Variants in TMPO observed in about 807,000 individuals in gnomAD.
TMPO encodes LEM domain containing 4.
In TMPO, 22 loss-of-function variants were observed where a neutral mutation model predicts 45.4. That is an observed-to-expected ratio of 0.48 (90% CI 0.35 to 0.69). The LOEUF (loss-of-function observed/expected upper bound fraction) is 0.69, where lower values mean the gene tolerates loss of function less well. Ranked by LOEUF, TMPO falls within the 30% of genes least tolerant of loss-of-function variation. The probability of loss-of-function intolerance (pLI) is 0.01; values close to 1 mark genes in which losing one functional copy is unlikely to be tolerated. For synonymous variants in TMPO, 241 were observed against 204.1 expected (o/e 1.18, Z -1.54); for missense variants, 512 against 548.8 (o/e 0.93, Z 0.67).
chr12:98,516,855 G>T (rs1189038288), intron 1 of TMPO, among the ~76,000 whole-genome samples: 1 of 152,134 alleles, frequency 6.6e-6, no homozygotes, highest in Non-Finnish European at 1.5e-5. Flanking sequence ...TGTTGCCCAG[G>T]CTGGAGTGCA....
chr12:98,520,488 G>A (rs968857156), intron 1 of TMPO, among the ~76,000 whole-genome samples: 1 of 151,504 alleles, frequency 6.6e-6, no homozygotes, highest in African/African-American at 2.4e-5. Flanking sequence ...TGTATTTTTA[G>A]TAGAGACAAG....
rs2121212717 is a variant in TMPO, at chr12:98,534,511, C to T, written c.565+2673C>T. 10 of 1,429,142 alleles carry T rather than the reference C, an allele frequency of 7.0e-6. No individual in the cohort carries two copies. In the South Asian group the frequency reaches 1.5e-4, roughly 21 times the overall value. 88.5% of individuals were successfully genotyped at this position (1,429,142 alleles called of 1,614,324 possible). The stretch of plus-strand genomic sequence containing the variant: ...TAATTGCCTGTGTAGAACTACTTGT[C>T]TTTTCTAAAGATTTGCGTAGATAGG... On this transcript the variant is annotated intron_variant, in intron 3 of 8. Transcript: ENST00000556029.
At chr12:98,520,095 G>C (rs1876219777) in intron 1 of TMPO, among the ~76,000 whole-genome samples, 1 of 148,362 alleles carries the variant, frequency 6.7e-6, no homozygotes, top group Non-Finnish European at 1.5e-5. Context: ...AAGTAGCTGG[G>C]ATTACAGGTG....
At chr12:98,525,314 A>G (rs1479183714) in intron 1 of TMPO, among the ~76,000 whole-genome samples, 4 of 152,220 alleles carry the variant, frequency 2.6e-5, no homozygotes, top group African/African-American at 9.6e-5. Flanking sequence ...CCGTCTATTT[A>G]AGATTTCTCG....
intron 3 of TMPO, among the ~76,000 whole-genome samples, chr12:98,536,191 T>C (rs1272503000): frequency 6.6e-6 from 1 of 152,232 alleles, no homozygotes; most frequent in African/African-American, 2.4e-5. Flanking sequence ...ATAGATGTCT[T>C]GACCACTTTT....
In TMPO at chr12:98,515,820, A is replaced by AGCG. The variant is rs769833482; in HGVS notation, c.-39_-37dup. The stretch of plus-strand genomic sequence containing the variant: ...GGCCAGGAGCAAGCGCGCCGGCGTG[A>AGCG]GCGGCGGCGGCAAAGGCTGTGGGGA... On this transcript the variant is annotated 5_prime_UTR_variant, in exon 1 of 9. Coordinates refer to ENST00000556029, the MANE Select transcript of TMPO (RefSeq NM_001032283.3). 9.5e-6 allele frequency: 15 copies of AGCG among 1,579,734 alleles called. No individual in the cohort carries two copies. The highest frequency in any genetic ancestry group is 8.1e-5 in the African/African-American group (6 of 73,814).
intron 1 of TMPO, among the ~76,000 whole-genome samples, chr12:98,523,098 A>G (rs1195692832): frequency 6.6e-6 from 1 of 152,216 alleles, no homozygotes; most frequent in Admixed American, 6.5e-5. Flanking sequence ...TAAAGGAACA[A>G]AGCTTTCTGG....
At chr12:98,544,804 A>G (rs1276712877) in intron 6 of TMPO, 147 bp from the exon 7 acceptor site, 1 of 717,446 alleles carries the variant, frequency 1.4e-6, no homozygotes, top group African/African-American at 1.8e-5. Context: ...TATGTGAGGC[A>G]CTAAGTTGTG....
chr12:98,528,300 G>A (rs571288750), intron 2 of TMPO, among the ~76,000 whole-genome samples: 4 of 147,216 alleles, frequency 2.7e-5, no homozygotes, highest in Middle Eastern at 3.4e-3. Flanking sequence ...TTTTTGAGAC[G>A]GAGTCTTGCT....
intron 1 of TMPO, among the ~76,000 whole-genome samples, chr12:98,520,001 G>A (rs889060411): frequency 5.4e-5 from 8 of 148,128 alleles, no homozygotes; most frequent in African/African-American, 1.0e-4. Flanking sequence ...GCTCTGTCAC[G>A]CAGCCTAGAG....
rs1878375642 is a variant in TMPO at position 98,548,926 on chromosome 12, C to T, written c.*1068C>T. On this transcript the variant is annotated 3_prime_UTR_variant, in exon 9 of 9. Transcript: ENST00000556029. ...ACGAGGTCAAGAGATCAAGACCATC[C>T]TGGCCAACATGGTGAAACCCCGTCT... The T allele has an allele frequency of 1.3e-5, 2 of 152,282 alleles. No homozygotes were observed. The highest frequency in any genetic ancestry group is 1.3e-4 in the Admixed American group (2 of 15,278). The allele number at this position is 152,282 out of a possible 1,614,324, so 9.4% of individuals were successfully genotyped here.
rs145007421 is a variant in TMPO at position 98,530,690 on chromosome 12, TC to T, written c.407-989del. Among the ~76,000 whole-genome samples, 13 of 152,374 alleles carry T rather than the reference TC, an allele frequency of 8.5e-5. No homozygotes were observed. In the East Asian group the frequency reaches 2.5e-3, roughly 29 times the overall value. On this transcript the variant is annotated intron_variant, in intron 2 of 8. Transcript: ENST00000556029. Reference sequence around the variant, plus strand: ...ATTTAAATCTGATTTATAGAACTTTTCTTTTCCCCATAACTGAATACAGGCA... The same window carrying T: ...ATTTAAATCTGATTTATAGAACTTTTTTTTCCCCATAACTGAATACAGGCA...
At chr12:98,524,501 G>A (rs993772837) in intron 1 of TMPO, among the ~76,000 whole-genome samples, 1 of 152,036 alleles carries the variant, frequency 6.6e-6, no homozygotes, top group Non-Finnish European at 1.5e-5. Flanking sequence ...GAACCTGGGA[G>A]GCAGAAGGTT....
intron 1 of TMPO, among the ~76,000 whole-genome samples, chr12:98,525,607 G>A (rs898476208): frequency 2.0e-5 from 3 of 151,918 alleles, no homozygotes; most frequent in African/African-American, 7.3e-5. Context: ...CGGGCGTGGT[G>A]GTGCACACCT....
rs1306774291 is a variant in TMPO at position 98,549,579 on chromosome 12, A to C, written c.*1721A>C. ...AGTAGTAGGTGATTAAAATTTCAAT[A>C]GAATCAAATGAGACAAAAATTTTAA... On this transcript the variant is annotated 3_prime_UTR_variant, in exon 9 of 9. Coordinates refer to ENST00000556029, the MANE Select transcript of TMPO (RefSeq NM_001032283.3). 3 of 144,506 alleles carry C rather than the reference A, an allele frequency of 2.1e-5. No homozygotes were observed. The South Asian group carries it at 6.7e-4, about 32-fold the overall frequency. The allele number at this position is 144,506 out of a possible 1,614,324, so 9.0% of individuals were successfully genotyped here.
intron 7 of TMPO, 72 bp downstream of exon 7, chr12:98,545,133 T>TTG: frequency 2.7e-6 from 3 of 1,112,554 alleles, no homozygotes; most frequent in Admixed American, 2.2e-5. Flanking sequence ...TTGTTTGTTT[T>TTG]TTTTTTTTTT....
chr12:98,525,738 C>CAA (rs34394677), intron 1 of TMPO, among the ~76,000 whole-genome samples: 13 of 95,686 alleles, frequency 1.4e-4, no homozygotes, highest in Admixed American at 7.3e-4. Flanking sequence ...GGCACAGTCT[C>CAA]AAAAAAAAAA....
chr12:98,540,721 A>G (rs951153886), intron 4 of TMPO, among the ~76,000 whole-genome samples: 10 of 152,190 alleles, frequency 6.6e-5, no homozygotes, highest in Non-Finnish European at 1.5e-4. Context: ...TTCAATGACC[A>G]TATGTGGCTA....
rs1004871707 is a variant in TMPO, at chr12:98,549,047, G to A, written c.*1189G>A. ...GAGGCAGGAGAATCGTTTGAACCCA[G>A]GAGGCAGAGGTTGCAGTGAGCAGAG... On this transcript the variant is annotated 3_prime_UTR_variant, in exon 9 of 9. Coordinates refer to ENST00000556029, the MANE Select transcript of TMPO (RefSeq NM_001032283.3). 3 of 152,212 alleles carry A rather than the reference G, an allele frequency of 2.0e-5. No individual in the cohort carries two copies. Among genetic ancestry groups the A allele is most frequent in the South Asian group, 2.1e-4 (1 of 4,830 alleles). The allele number at this position is 152,212 out of a possible 1,614,324, so 9.4% of individuals were successfully genotyped here.
Sources: allele counts gnomAD v4.1 joint callset (sites outside exome capture counted in the v4.1 genomes callset), GRCh38; gene constraint gnomAD v4.1.1; transcripts MANE v1.5; gene names NCBI Gene and HGNC (gene_info 2026-07-23, HGNC 2026-07-21).